CLIC5: variants seen among roughly 807,000 people sequenced by gnomAD.
CLIC5 encodes the protein CLIC family member 5.
Under a neutral mutation model 24.7 loss-of-function variants are expected in CLIC5, and 20 were observed. That is an observed-to-expected ratio of 0.81 (90% confidence interval 0.57 to 1.18). The LOEUF (loss-of-function observed/expected upper bound fraction) is 1.18. Among genes scored for constraint, CLIC5 ranks in the 50% most tolerant of loss-of-function variants. The probability of loss-of-function intolerance (pLI) is 0.00; values close to 1 mark genes in which losing one functional copy is unlikely to be tolerated. For missense variants in CLIC5, 341 were observed against 326.1 expected, an observed-to-expected ratio of 1.05 and a Z score of -0.35; for synonymous variants, 159 against 135.6, an observed-to-expected ratio of 1.17 and a Z score of -1.20.
intron 3 of CLIC5, among the ~76,000 whole-genome samples, chr6:45,942,834 C>A (rs995158874): frequency 2.0e-5 from 3 of 152,200 alleles, no homozygotes; most frequent in African/African-American, 7.2e-5. Context: ...CAGCTCTCTG[C>A]TGTGAGGCAG....
intron 1 of CLIC5, among the ~76,000 whole-genome samples, chr6:46,030,044 C>A (rs1434020318): frequency 2.6e-5 from 4 of 152,146 alleles, no homozygotes; most frequent in African/African-American, 9.7e-5. Context: ...CCAGTCCCCT[C>A]CTGAATTCAT....
intron 1 of CLIC5, among the ~76,000 whole-genome samples, chr6:45,985,385 G>T (rs1407499362): frequency 6.6e-6 from 1 of 152,212 alleles, no homozygotes; most frequent in Non-Finnish European, 1.5e-5. Context: ...AGCAGAGCAG[G>T]AAGTATGTGT....
chr6:46,015,925 G>C, upstream of CLIC5: 1 of 1,000,926 alleles, frequency 1.0e-6, no homozygotes, highest in Non-Finnish European at 1.2e-6. Context: ...GCCGGGCGGG[G>C]ACGCGGCGGG....
chr6:46,125,187 A>T, the CLIC5 span, among the ~76,000 whole-genome samples: 2 of 152,078 alleles, frequency 1.3e-5, no homozygotes, highest in African/African-American at 2.4e-5. Flanking sequence ...CAAATGTCCA[A>T]CAATGATAGA....
At chr6:46,070,353 C>T (rs1302044474) in intron 1 of CLIC5, among the ~76,000 whole-genome samples, 1 of 152,128 alleles carries the variant, frequency 6.6e-6, no homozygotes, top group African/African-American at 2.4e-5. Flanking sequence ...GCTCCTTAAG[C>T]TAGTAAGCAA....
At chr6:45,976,683 A>G (rs1320260250) in intron 1 of CLIC5, among the ~76,000 whole-genome samples, 1 of 152,350 alleles carries the variant, frequency 6.6e-6, no homozygotes, top group South Asian at 2.1e-4. Context: ...CTTTTGGTTC[A>G]TCGTACTACA....
At chr6:45,972,431 C>G (rs149651874) in intron 1 of CLIC5, among the ~76,000 whole-genome samples, 1 of 152,306 alleles carries the variant, frequency 6.6e-6, no homozygotes, top group Non-Finnish European at 1.5e-5. Context: ...CAATGTCCTA[C>G]AGCTCCAGGG....
upstream of CLIC5, chr6:46,080,473 T>C: frequency 2.0e-6 from 1 of 504,882 alleles, no homozygotes; most frequent in Non-Finnish European, 3.5e-6. Context: ...GTTAACTCCT[T>C]CACTCCTAAA....
At chr6:45,930,046 G>A (rs561111601) in intron 4 of CLIC5, among the ~76,000 whole-genome samples, 185 of 152,232 alleles carry the variant, frequency 1.2e-3, no homozygotes, top group African/African-American at 4.1e-3. Context: ...GATTGAAGTG[G>A]CTTGGAATAA....
chr6:45,912,898 G>A (rs1287705433), intron 5 of CLIC5, among the ~76,000 whole-genome samples: 2 of 152,200 alleles, frequency 1.3e-5, no homozygotes, highest in Non-Finnish European at 2.9e-5. Flanking sequence ...CCATTTTTAT[G>A]CATGATTCCC....
intron 1 of CLIC5, among the ~76,000 whole-genome samples, chr6:46,002,637 T>C (rs1766404090): frequency 6.6e-6 from 1 of 152,218 alleles, no homozygotes; most frequent in Non-Finnish European, 1.5e-5. Context: ...AGGTAGCCCA[T>C]TACAAGTAGC....
the CLIC5 span, among the ~76,000 whole-genome samples, chr6:46,116,164 T>C: frequency 6.6e-6 from 1 of 152,120 alleles, no homozygotes; most frequent in Non-Finnish European, 1.5e-5. Context: ...TTGGAGAGAA[T>C]TTGACGCCTT....
At chr6:46,109,082 T>C in the CLIC5 span, among the ~76,000 whole-genome samples, 32 of 152,186 alleles carry the variant, frequency 2.1e-4, no homozygotes, top group South Asian at 6.2e-4. Flanking sequence ...GTAATAATTA[T>C]GATTATTACA....
chr6:46,004,548 C>G (rs1766474702), intron 1 of CLIC5, among the ~76,000 whole-genome samples: 1 of 152,202 alleles, frequency 6.6e-6, no homozygotes, highest in Admixed American at 6.5e-5. Context: ...AGACCACTCA[C>G]TAAACACTGC....
At chr6:46,061,086 T>C (rs950402735) in intron 1 of CLIC5, among the ~76,000 whole-genome samples, 2 of 152,236 alleles carry the variant, frequency 1.3e-5, no homozygotes. Context: ...GAGAGGCTCA[T>C]TCTTGCAGCT....
the CLIC5 span, among the ~76,000 whole-genome samples, chr6:46,111,205 C>CTTTTTATTATTT: frequency 7.0e-6 from 1 of 142,856 alleles, no homozygotes. Flanking sequence ...TGGAAACAGA[C>CTTTTTATTATTT]AACTTGAATT....
intron 1 of CLIC5, among the ~76,000 whole-genome samples, chr6:45,968,493 C>T (rs1247089274): frequency 6.6e-6 from 1 of 152,092 alleles, no homozygotes; most frequent in Admixed American, 6.6e-5. Flanking sequence ...CTATTATCTC[C>T]TATGTGAGAT....
chr6:46,005,407 A>T (rs1766513840), intron 1 of CLIC5, among the ~76,000 whole-genome samples: 1 of 152,226 alleles, frequency 6.6e-6, no homozygotes, highest in East Asian at 1.9e-4. Flanking sequence ...GTGGGTAACC[A>T]GAGACGTGCT....
chr6:45,998,298 T>A lies in CLIC5; in HGVS notation c.63+17182A>T, dbSNP rs1389745667. On this transcript the variant is annotated intron_variant, in intron 1 of 5. Transcript: ENST00000339561. ...AGGTGGCTATGTCCCAGCACACAGATGTTAGGACACTGCTCAGAGGAGCAG... is the reference window on the plus strand; with the variant it reads ...AGGTGGCTATGTCCCAGCACACAGAAGTTAGGACACTGCTCAGAGGAGCAG... 3.3e-5 allele frequency among the ~76,000 whole-genome samples: 5 copies of A among 152,316 alleles called. No homozygotes were observed. The South Asian group carries it at 1.0e-3, about 32-fold the overall frequency.
Sources: gnomAD v4.1 joint callset for allele counts (sites outside exome capture counted in the v4.1 genomes callset) on GRCh38, gnomAD v4.1.1 for gene constraint, MANE v1.5 for transcripts, NCBI Gene and HGNC (gene_info 2026-07-23, HGNC 2026-07-21) for gene names.